Variants in SPAG16 observed in about 807,000 individuals in gnomAD.
SPAG16 encodes the protein sperm-associated antigen 16 protein.
In SPAG16, 86 loss-of-function variants were observed where a neutral mutation model predicts 80.4. The ratio of observed to expected loss-of-function variants is 1.07; its 90% CI spans 0.90 to 1.28. SPAG16 has a LOEUF of 1.28. SPAG16 is among the 50% of genes most tolerant of loss of function. The pLI, the probability that SPAG16 is intolerant of heterozygous loss-of-function variation, is 0.00. For missense variants in SPAG16, 870 were observed against 765.3 expected, an observed-to-expected ratio of 1.14 and a Z score of -1.61; for synonymous variants, 294 against 265.9, an observed-to-expected ratio of 1.11 and a Z score of -1.03.
intron 11 of SPAG16, among the ~76,000 whole-genome samples, chr2:213,902,399 G>T (rs1376829238): frequency 6.6e-6 from 1 of 152,234 alleles, no homozygotes; most frequent in Non-Finnish European, 1.5e-5. Flanking sequence ...GGAGGCCTCA[G>T]AATCATGGTG....
chr2:214,022,936 C>T lies in SPAG16; in HGVS notation c.1527+8859C>T, dbSNP rs937285811. ...CCAAATTCTATCCTCTTCCTTCTTT[C>T]CTGATAATGACATAGCCTTCCTTCT... On this transcript the variant is annotated intron_variant, in intron 13 of 15. Coordinates refer to ENST00000331683, the MANE Select transcript of SPAG16 (RefSeq NM_024532.5). 5.3e-5 allele frequency among the ~76,000 whole-genome samples: 8 copies of T among 151,982 alleles called. No individual in the cohort carries two copies. In the South Asian group the frequency reaches 1.0e-3, roughly 20 times the overall value.
intron 12 of SPAG16, among the ~76,000 whole-genome samples, chr2:213,976,135 T>TATATATATATATATATATATAC (rs749957411): frequency 4.9e-5 from 4 of 81,400 alleles, no homozygotes; most frequent in Non-Finnish European, 8.3e-5. Context: ...TATATATATA[T>TATATATATATATATATATATAC]ACACACACAC....
intron 15 of SPAG16, among the ~76,000 whole-genome samples, chr2:214,389,291 C>T (rs1297195592): frequency 2.0e-5 from 3 of 152,136 alleles, no homozygotes; most frequent in African/African-American, 7.2e-5. Flanking sequence ...AAATGTTTTT[C>T]AAAATAACTA....
intron 3 of SPAG16, among the ~76,000 whole-genome samples, chr2:213,300,710 T>C (rs1422153297): frequency 6.6e-6 from 1 of 152,166 alleles, no homozygotes; most frequent in African/African-American, 2.4e-5. Flanking sequence ...GTAGAAGTTT[T>C]GCTATAGTTA....
intron 11 of SPAG16, among the ~76,000 whole-genome samples, chr2:213,904,979 C>T (rs1575510423): frequency 6.6e-6 from 1 of 152,064 alleles, no homozygotes; most frequent in Non-Finnish European, 1.5e-5. Flanking sequence ...AAAAAGGATT[C>T]TTCAGGTTTC....
At chr2:213,306,937 G>C (rs1160290044) in intron 3 of SPAG16, among the ~76,000 whole-genome samples, 1 of 152,078 alleles carries the variant, frequency 6.6e-6, no homozygotes, top group Non-Finnish European at 1.5e-5. Flanking sequence ...CTTGATTTTT[G>C]GTTCTTATGA....
intron 13 of SPAG16, among the ~76,000 whole-genome samples, chr2:214,044,493 TA>T (rs2125106437): frequency 6.6e-6 from 1 of 152,192 alleles, no homozygotes; most frequent in South Asian, 2.1e-4. Context: ...TGGAAGAATA[TA>T]AAGCTTCATC....
chr2:214,165,384 C>T (rs2056604755), intron 15 of SPAG16, among the ~76,000 whole-genome samples: 1 of 150,112 alleles, frequency 6.7e-6, no homozygotes, highest in East Asian at 2.0e-4. Context: ...CCAATTCATT[C>T]CACCAACATA....
chr2:214,094,329 A>T (rs2052436217), intron 13 of SPAG16, among the ~76,000 whole-genome samples: 1 of 152,142 alleles, frequency 6.6e-6, no homozygotes, highest in Non-Finnish European at 1.5e-5. Context: ...TAATATTAAC[A>T]TTAAAATTTG....
chr2:213,495,771 C>T (rs1575747390), intron 10 of SPAG16, among the ~76,000 whole-genome samples: 2 of 152,158 alleles, frequency 1.3e-5, no homozygotes, highest in Non-Finnish European at 2.9e-5. Flanking sequence ...TGAAGTGAGA[C>T]ATGTGGAGCA....
At position 213,915,053 on chromosome 2, in the gene SPAG16, A is replaced by G. The variant is rs117050475; in HGVS notation, c.1215-14907A>G. Among the ~76,000 whole-genome samples the G allele has an allele frequency of 1.0e-3, 152 of 152,222 alleles. 2 individuals are homozygous for G. The East Asian group carries it at 0.026, about 27-fold the overall frequency. Reference sequence around the variant, plus strand: ...TGGGGAGGCCTCATAATCACGGCAGAAGGTGAATGAGAATCAAAGTCACGT... The same window carrying G: ...TGGGGAGGCCTCATAATCACGGCAGGAGGTGAATGAGAATCAAAGTCACGT... On this transcript the variant is annotated intron_variant, in intron 11 of 15. Transcript: ENST00000331683.
chr2:213,942,860 G>A (rs994179982), intron 12 of SPAG16, among the ~76,000 whole-genome samples: 2 of 152,170 alleles, frequency 1.3e-5, no homozygotes, highest in Non-Finnish European at 2.9e-5. Flanking sequence ...AAACTCATAT[G>A]TTAAAGCCTA....
At chr2:213,831,034 C>CTTTTTTT (rs34523016) in intron 10 of SPAG16, among the ~76,000 whole-genome samples, 6 of 80,812 alleles carry the variant, frequency 7.4e-5, no homozygotes, top group Admixed American at 1.6e-4. Context: ...TGAAACATGA[C>CTTTTTTT]TTTTTTTTTT....
chr2:213,702,984 C>CA (rs1320679884), intron 10 of SPAG16, among the ~76,000 whole-genome samples: 1 of 152,136 alleles, frequency 6.6e-6, no homozygotes, highest in Non-Finnish European at 1.5e-5. Flanking sequence ...TATACCTGCC[C>CA]ACAATGTGAA....
intron 14 of SPAG16, among the ~76,000 whole-genome samples, chr2:214,144,590 G>A (rs62197904): frequency 0.18 from 27,906 of 151,966 alleles, 2,743 homozygotes; most frequent in South Asian, 0.24. Context: ...ACATTCTCAT[G>A]TATACATAGT....
chr2:214,250,757 T>TATATATATAGAG (rs1475343777), intron 15 of SPAG16, among the ~76,000 whole-genome samples: 1 of 91,284 alleles, frequency 1.1e-5, no homozygotes, highest in African/African-American at 4.1e-5. Context: ...TATATATATA[T>TATATATATAGAG]AGAGAGAGAG....
chr2:213,610,529 T>C (rs1410747243), intron 10 of SPAG16, among the ~76,000 whole-genome samples: 1 of 152,200 alleles, frequency 6.6e-6, no homozygotes, highest in African/African-American at 2.4e-5. Flanking sequence ...TGTTTTGCCA[T>C]GGTCCAAGCT....
rs2055267245 is a variant in SPAG16, at chr2:214,140,017, C to A, written c.1594-9123C>A. 2.0e-5 allele frequency among the ~76,000 whole-genome samples: 3 copies of A among 152,144 alleles called. No homozygotes were observed. The South Asian group carries it at 6.2e-4, about 31-fold the overall frequency. On this transcript the variant is annotated intron_variant, in intron 14 of 15. Transcript: ENST00000331683. The stretch of plus-strand genomic sequence containing the variant: ...TTGGGCCAAACCAATATGTATCTCC[C>A]ATGTACTGGTTTATTATATTACCTG...
intron 11 of SPAG16, among the ~76,000 whole-genome samples, chr2:213,912,836 C>A (rs547948951): frequency 6.6e-6 from 1 of 151,972 alleles, no homozygotes; most frequent in Non-Finnish European, 1.5e-5. Context: ...TAAACAATAC[C>A]CCCAAAAAAC....
Sources: allele counts gnomAD v4.1 joint callset (sites outside exome capture counted in the v4.1 genomes callset), GRCh38; gene constraint gnomAD v4.1.1; transcripts MANE v1.5; gene names NCBI Gene and HGNC (gene_info 2026-07-23, HGNC 2026-07-21).